ING5: variants seen among roughly 807,000 people sequenced by gnomAD.
ING5 encodes the protein inhibitor of growth family member 5.
In ING5, 17 loss-of-function variants were observed where a neutral mutation model predicts 37.4. The ratio of observed to expected loss-of-function variants is 0.45; its 90% CI spans 0.31 to 0.68. The LOEUF (loss-of-function observed/expected upper bound fraction) is 0.68, where lower values mean the gene tolerates loss of function less well. ING5 is among the 30% of genes least tolerant of loss of function. The probability of loss-of-function intolerance (pLI) is 0.05; values close to 1 mark genes in which losing one functional copy is unlikely to be tolerated. For synonymous variants in ING5, 123 were observed against 116.6 expected (o/e 1.06, Z -0.36); for missense variants, 233 against 311.9 (o/e 0.75, Z 1.91).
chr2:241,693,652 CTTTTTTTTTTTTT>C (rs1185556171), intron 2 of ING5, among the ~76,000 whole-genome samples: 1 of 78,538 alleles, frequency 1.3e-5, no homozygotes, highest in Non-Finnish European at 2.3e-5. Flanking sequence ...AAATACAACT[CTTTTTTTTTTTTT>C]TTTTTTTTTT....
At chr2:241,689,119 A>G (rs556329540) in intron 1 of ING5, among the ~76,000 whole-genome samples, 1 of 146,610 alleles carries the variant, frequency 6.8e-6, no homozygotes, top group African/African-American at 2.5e-5. Context: ...TTTTAATTTA[A>G]TTTTTTTTTT....
At chr2:241,710,878 G>T (rs529457473) in intron 3 of ING5, among the ~76,000 whole-genome samples, 1 of 152,118 alleles carries the variant, frequency 6.6e-6, no homozygotes, top group Non-Finnish European at 1.5e-5. Context: ...CTCCCAGAGT[G>T]CTGGGACTAC....
Position 241,702,707 on chromosome 2 carries a change from A to T in ING5, c.37+605A>T, listed in dbSNP as rs141997935. 3.6e-4 allele frequency among the ~76,000 whole-genome samples: 55 copies of T among 152,294 alleles called. No individual in the cohort carries two copies. In the East Asian group the frequency reaches 6.4e-3, roughly 18 times the overall value. ...CTGGTGGGCGGGCTGTGCTGTTTCC[A>T]GGTGGCAGCAGGTCGGCGCCCCCAG... On this transcript the variant is annotated intron_variant, in intron 1 of 7. Coordinates refer to ENST00000313552, the MANE Select transcript of ING5 (RefSeq NM_032329.6).
chr2:241,700,849 T>A (rs200576743), upstream of ING5, among the ~76,000 whole-genome samples: 1 of 150,858 alleles, frequency 6.6e-6, no homozygotes, highest in African/African-American at 2.4e-5. Context: ...TGGTCTCAAA[T>A]TCCTGCCCTC....
intron 5 of ING5, among the ~76,000 whole-genome samples, chr2:241,713,674 A>G (rs1035380915): frequency 3.4e-5 from 5 of 148,532 alleles, no homozygotes; most frequent in African/African-American, 9.9e-5. Flanking sequence ...CCCAGCCCCA[A>G]TTTTCAGTTT....
chr2:241,712,482 C>A, intron 5 of ING5: 1 of 166,378 alleles, frequency 6.0e-6, no homozygotes, highest in Non-Finnish European at 1.3e-5. Flanking sequence ...TTTTATGTGT[C>A]AACATATAGT....
chr2:241,692,963 C>G (rs558223337), intron 2 of ING5, among the ~76,000 whole-genome samples: 1 of 152,184 alleles, frequency 6.6e-6, no homozygotes, highest in South Asian at 2.1e-4. Context: ...CTTCATTTAA[C>G]CTTAATTAGC....
intron 1 of ING5, 26 bp downstream of exon 1, chr2:241,702,128 C>T (rs1164029954): frequency 3.4e-5 from 44 of 1,288,160 alleles, no homozygotes; most frequent in Non-Finnish European, 4.4e-5. Flanking sequence ...GGGCCCCGCG[C>T]CCGCCGCCCA....
At chr2:241,712,262 GGC>G (rs1384863997) in intron 5 of ING5, 191 bp downstream of exon 5, 11 of 543,516 alleles carry the variant, frequency 2.0e-5, no homozygotes, top group African/African-American at 5.7e-5. Flanking sequence ...CGTTGTCAGG[GGC>G]ATTTTCAGTG....
chr2:241,693,839 T>C (rs1575114629), intron 2 of ING5, among the ~76,000 whole-genome samples: 1 of 151,308 alleles, frequency 6.6e-6, no homozygotes, highest in Non-Finnish European at 1.5e-5. Context: ...GTATTTTTAG[T>C]AGAGACGGGG....
chr2:241,711,807 G>A (rs1420808398), intron 4 of ING5, among the ~76,000 whole-genome samples, 171 bp from the exon 5 acceptor site: 1 of 152,136 alleles, frequency 6.6e-6, no homozygotes, highest in Non-Finnish European at 1.5e-5. Flanking sequence ...AGGCTGAGGT[G>A]GGTGGATTGC....
In ING5 at chr2:241,695,915, T is replaced by C. The variant is rs771210515; in HGVS notation, c.43+5262T>C. On this transcript the variant is annotated intron_variant, in intron 2 of 7. Transcript: ENST00000636051. ...GCAGGGTGAGTAAAGCAGGGCCAGA[T>C]GCTCACAAGGAGTATTCAGCTAAAA... 3.2e-4 allele frequency among the ~76,000 whole-genome samples: 49 copies of C among 152,170 alleles called. 1 individual carries two copies. Among genetic ancestry groups the C allele is most frequent in the Non-Finnish European group, 6.2e-4 (42 of 68,036 alleles).
At chr2:241,697,803 CTG>C (rs1219076960), upstream of ING5, among the ~76,000 whole-genome samples, 3 of 152,186 alleles carry the variant, frequency 2.0e-5, no homozygotes, top group Non-Finnish European at 4.4e-5. Flanking sequence ...GCACAAGGCA[CTG>C]GGCGTGGTGG....
At chr2:241,707,395 A>G (rs1363952044) in intron 2 of ING5, among the ~76,000 whole-genome samples, 2 of 151,688 alleles carry the variant, frequency 1.3e-5, no homozygotes, top group African/African-American at 4.9e-5. Flanking sequence ...GGTTCAAGCA[A>G]TTCTCCTGCC....
intron 1 of ING5, among the ~76,000 whole-genome samples, chr2:241,703,945 G>A (rs1575121718): frequency 6.6e-6 from 1 of 152,222 alleles, no homozygotes; most frequent in East Asian, 1.9e-4. Flanking sequence ...AAGTCGCGTG[G>A]GCAGCGTGGC....
In ING5 at chr2:241,706,357, C is replaced by T. The variant is rs550958100; in HGVS notation, c.109+1633C>T. 3.9e-5 allele frequency among the ~76,000 whole-genome samples: 6 copies of T among 152,148 alleles called. No individual in the cohort carries two copies. The East Asian group carries it at 7.7e-4, about 20-fold the overall frequency. ...GAAGGTAGATTTTCTTGGCCAGGCA[C>T]GGTGGCTCATGCCTGTAATCCCAGC... On this transcript the variant is annotated intron_variant, in intron 2 of 7. Transcript: ENST00000313552.
chr2:241,723,128 G>A, intron 6 of ING5, 54 bp downstream of exon 6: 3 of 1,614,000 alleles, frequency 1.9e-6, no homozygotes, highest in African/African-American at 1.3e-5. Flanking sequence ...TGTGGGGCAG[G>A]GCTGGCGGAT....
At chr2:241,720,283 C>T (rs34016185) in intron 5 of ING5, 97,382 of 1,227,930 alleles carry the variant, frequency 0.079, 4,404 homozygotes, top group Non-Finnish European at 0.089. Flanking sequence ...TGGGTATTCA[C>T]GCCCCTCGTG....
At chr2:241,719,954 C>G in intron 5 of ING5, 1 of 1,278,046 alleles carries the variant, frequency 7.8e-7, no homozygotes, top group Non-Finnish European at 9.9e-7. Flanking sequence ...GTGTGAATCT[C>G]TTTCTTCTCT....
Sources: gnomAD v4.1 joint callset for allele counts (sites outside exome capture counted in the v4.1 genomes callset) on GRCh38, gnomAD v4.1.1 for gene constraint, MANE v1.5 for transcripts, NCBI Gene and HGNC (gene_info 2026-07-23, HGNC 2026-07-21) for gene names.